USP9X: variants seen among roughly 807,000 people sequenced by gnomAD.
USP9X encodes the protein ubiquitin carboxyl-terminal hydrolase 9X.
In USP9X, 7 loss-of-function variants were observed where a neutral mutation model predicts 190.3. The ratio of observed to expected loss-of-function variants is 0.04; its 90% CI spans 0.02 to 0.07. The LOEUF (loss-of-function observed/expected upper bound fraction) is 0.07. USP9X is among the 10% of genes least tolerant of loss of function. USP9X has a pLI of 1.00. For missense variants in USP9X, 1,010 were observed against 1,916.9 expected, an observed-to-expected ratio of 0.53 and a Z score of 8.83; for synonymous variants, 645 against 659.5, an observed-to-expected ratio of 0.98 and a Z score of 0.34.
At chrX:41,200,557 CAG>C (rs959737187) in intron 30 of USP9X, among the ~76,000 whole-genome samples, 5 of 111,507 alleles carry the variant, frequency 4.5e-5, no homozygotes, top group South Asian at 7.5e-4. Flanking sequence ...TAGGAAGAAA[CAG>C]AAAGTTACCT....
chrX:41,201,206 G>A lies in USP9X; in HGVS notation c.4750G>A (p.Gly1584Ser), dbSNP rs771789061. The A allele has an allele frequency of 1.7e-6, 2 of 1,211,510 alleles. No homozygotes were observed. Among genetic ancestry groups the A allele is most frequent in the Middle Eastern group, 2.3e-4 (1 of 4,356 alleles). ...QLYMIPSIRN[G>S]ILAIEGTGSD... ...CTACATGATTCCTTCCATTAGGAAC[G>A]GTATTCTTGCCATTGAAGGCACAGG... is the stretch of plus-strand genomic sequence containing the variant. Residue 1584 changes from glycine (G) to serine (S), a missense_variant, in exon 31 of 45, where the codon GGT becomes AGT. Gly to Ser is a moderately conservative substitution (Grantham distance 56, BLOSUM62 0). Around this residue, in one of 11 missense-constraint regions of USP9X, gnomAD observed 120 missense variants for 342.7 expected, o/e 0.35. Transcript: ENST00000378308.
At chrX:41,117,210 T>C (rs923846757) in intron 1 of USP9X, among the ~76,000 whole-genome samples, 1 of 111,742 alleles carries the variant, frequency 8.9e-6, no homozygotes, top group African/African-American at 3.3e-5. Context: ...ATGATTTAGT[T>C]CTGTGGTCTT....
At chrX:41,226,757 A>T (rs772255887) in intron 41 of USP9X, among the ~76,000 whole-genome samples, 1 of 112,122 alleles carries the variant, frequency 8.9e-6, no homozygotes, top group Non-Finnish European at 1.9e-5. Context: ...ATATGTTCAT[A>T]GGATTTGAAA....
chrX:41,157,603 A>T (rs1485157872), intron 14 of USP9X, among the ~76,000 whole-genome samples: 1 of 111,411 alleles, frequency 9.0e-6, no homozygotes, highest in African/African-American at 3.3e-5. Flanking sequence ...TCCCATAGTC[A>T]TATTTCTGTT....
chrX:41,205,141 ATGG>A (rs1217286007), intron 31 of USP9X, 159 bp from the exon 32 acceptor site: 6 of 402,230 alleles, frequency 1.5e-5, no homozygotes, highest in South Asian at 1.1e-4. Context: ...AATATGTGAA[ATGG>A]TGGGGATAAA....
Position 41,201,289 on chromosome X carries a change from G to T in USP9X, c.4824+9G>T. 1 of 1,189,405 alleles carries T rather than the reference G, an allele frequency of 8.4e-7. No individual in the cohort carries two copies. Among genetic ancestry groups the T allele is most frequent in the South Asian group, 1.8e-5 (1 of 56,418 alleles). On this transcript the variant is annotated intron_variant, in intron 31 of 44. Coordinates refer to ENST00000378308, the MANE Select transcript of USP9X (RefSeq NM_001039591.3). ...AGAAGCAGGACAATGAGGTAAATTTGAGTTACCATTTCTGTTTTCTGTGTT... is the reference window on the plus strand; with the variant it reads ...AGAAGCAGGACAATGAGGTAAATTTTAGTTACCATTTCTGTTTTCTGTGTT...
In USP9X at chrX:41,143,071, T is replaced by A. The variant is rs564970788; in HGVS notation, c.1162-220T>A. Among the ~76,000 whole-genome samples, 16 of 111,661 alleles carry A rather than the reference T, an allele frequency of 1.4e-4. No homozygotes were observed. In the South Asian group the frequency reaches 5.9e-3, roughly 41 times the overall value. ...TGAGTAAATGCTGGAGTGTAGAATC[T>A]TCTTAATTTCAGTATTATTTATGGG... is the stretch of plus-strand genomic sequence containing the variant. On this transcript the variant is annotated intron_variant, in intron 9 of 44. Transcript: ENST00000378308.
chrX:41,173,646 T>TA (rs2062747945), intron 21 of USP9X, among the ~76,000 whole-genome samples: 1 of 111,991 alleles, frequency 8.9e-6, no homozygotes. Flanking sequence ...CAGACTCTAT[T>TA]GAGTGTTTTC....
intron 3 of USP9X, among the ~76,000 whole-genome samples, chrX:41,130,473 C>CTTTTTTTTT (rs1274142843): frequency 1.1e-5 from 1 of 91,219 alleles, no homozygotes; most frequent in Non-Finnish European, 2.2e-5. Context: ...TTCTTTTTTT[C>CTTTTTTTTT]TTTTTTTTTT....
intron 32 of USP9X, 96 bp from the exon 33 acceptor site, chrX:41,210,413 G>GAC (rs1316989238): frequency 5.5e-5 from 50 of 908,451 alleles, no homozygotes; most frequent in Non-Finnish European, 7.6e-5. Context: ...ACTGTTGTTT[G>GAC]TGGTCTTGTT....
chrX:41,205,702 CT>C (rs1307688795), intron 32 of USP9X, among the ~76,000 whole-genome samples: 1 of 105,809 alleles, frequency 9.5e-6, no homozygotes, highest in African/African-American at 3.5e-5. Flanking sequence ...GGGCAACATC[CT>C]TTAGTCTCTT....
intron 1 of USP9X, among the ~76,000 whole-genome samples, chrX:41,123,072 G>A (rs886915252): frequency 3.6e-5 from 4 of 111,587 alleles, no homozygotes; most frequent in African/African-American, 1.3e-4. Context: ...TCTCATTTAG[G>A]GCTGCAGGTC....
chrX:41,208,541 A>G (rs187025928), intron 32 of USP9X, among the ~76,000 whole-genome samples: 4 of 111,972 alleles, frequency 3.6e-5, no homozygotes, highest in African/African-American at 1.3e-4. Flanking sequence ...TTTTATTTTG[A>G]AAAGTTTCAA....
At chrX:41,232,366 A>G in intron 44 of USP9X, 21 bp from the exon 45 acceptor site, 1 of 1,199,990 alleles carries the variant, frequency 8.3e-7, no homozygotes, top group Non-Finnish European at 1.1e-6. Flanking sequence ...TTTAACATAC[A>G]GATCTTTTCT....
At position 41,107,927 on chromosome X, in the gene USP9X, G is replaced by A. The variant is rs187542858; in HGVS notation, c.-158-15544G>A. On this transcript the variant is annotated intron_variant, in intron 1 of 44. Coordinates refer to ENST00000378308, the MANE Select transcript of USP9X (RefSeq NM_001039591.3). ...TAAGCATGGTTTCCTTTAGTTCATT[G>A]AACATAAGCATAAGAGCTGTTTTTG... Among the ~76,000 whole-genome samples, 7 of 112,016 alleles carry A rather than the reference G, an allele frequency of 6.2e-5. No homozygotes were observed. In the East Asian group the frequency reaches 1.9e-3, roughly 31 times the overall value.
At position 41,170,522 on chromosome X, in the gene USP9X, A is replaced by G; in HGVS notation, c.2930A>G (p.Asp977Gly). ...AGTTCCAATATGCCTTCAAGCCCTG[A>G]TAGCTCTTCTGATTCCTCCACTGGA... ...QISSNMPSSPDSSSDSSTGSP... is the reference protein window; with the variant it reads ...QISSNMPSSPGSSSDSSTGSP... The change falls in exon 20 of 45, where the codon GAT becomes GGT. Residue 977 changes from aspartate to glycine, a missense_variant. Around this residue, in one of 11 missense-constraint regions of USP9X, gnomAD observed 351 missense variants for 480.8 expected, o/e 0.73. Coordinates refer to ENST00000378308, the MANE Select transcript of USP9X (RefSeq NM_001039591.3). 1.7e-6 allele frequency: 2 copies of G among 1,211,537 alleles called. No individual in the cohort carries two copies. Among genetic ancestry groups the G allele is most frequent in the Non-Finnish European group, 2.2e-6 (2 of 895,240 alleles).
At chrX:41,182,245 C>G (rs1471910550) in intron 21 of USP9X, among the ~76,000 whole-genome samples, 2 of 111,160 alleles carry the variant, frequency 1.8e-5, no homozygotes, top group Non-Finnish European at 1.9e-5. Context: ...CATGGTGGCA[C>G]ATGCCTGTGG....
In USP9X at chrX:41,186,645, T is replaced by C. The variant is rs1336698069; in HGVS notation, c.3684+3T>C. The C allele has an allele frequency of 7.4e-6, 9 of 1,208,382 alleles. No individual in the cohort carries two copies. Among genetic ancestry groups the C allele is most frequent in the Non-Finnish European group, 7.8e-6 (7 of 894,393 alleles). ...TTGCTCAGCAGATATCTGATGAGGT[T>C]AGTTTTATCAAGACTTCTGTCACAA... is the stretch of plus-strand genomic sequence containing the variant. On this transcript the variant is annotated splice_donor_region_variant and intron_variant, in intron 24 of 44. Coordinates refer to ENST00000378308, the MANE Select transcript of USP9X (RefSeq NM_001039591.3).
chrX:41,133,693 T>C (rs992123943), intron 4 of USP9X, among the ~76,000 whole-genome samples: 5 of 112,284 alleles, frequency 4.5e-5, no homozygotes, highest in Non-Finnish European at 7.5e-5. Context: ...CATGTGATGT[T>C]TGTCTTTCTG....
Sources: gnomAD v4.1 joint callset for allele counts (sites outside exome capture counted in the v4.1 genomes callset) on GRCh38, gnomAD v4.1.1 for gene constraint, gnomAD v4.1.1 regional missense constraint, MANE v1.5 for transcripts, NCBI Gene and HGNC (gene_info 2026-07-23, HGNC 2026-07-21) for gene names.